The following PARD3 variants were observed in gnomAD, a reference collection of about 807,000 sequenced individuals.
The protein encoded by PARD3 is par-3 family cell polarity regulator.
Under a neutral mutation model 155.4 loss-of-function variants are expected in PARD3, and 75 were observed. The observed-to-expected ratio is 0.48, with a 90% confidence interval of 0.40 to 0.58. The LOEUF (loss-of-function observed/expected upper bound fraction) is 0.58, where lower values mean the gene tolerates loss of function less well. PARD3 is among the 20% of genes least tolerant of loss of function. PARD3 has a pLI of 0.00. For synonymous variants in PARD3, 576 were observed against 610.5 expected (o/e 0.94, Z 0.83); for missense variants, 1,642 against 1,721.7 (o/e 0.95, Z 0.82).
chr10:34,289,043 T>C (rs907160573), intron 20 of PARD3, among the ~76,000 whole-genome samples: 2 of 152,158 alleles, frequency 1.3e-5, no homozygotes, highest in Admixed American at 6.5e-5. Flanking sequence ...CTCAGCTCAC[T>C]GCAACCTCCT....
chr10:34,195,792 A>G (rs544798145), intron 22 of PARD3, among the ~76,000 whole-genome samples: 1 of 152,350 alleles, frequency 6.6e-6, no homozygotes, highest in East Asian at 1.9e-4. Flanking sequence ...CAAATAGCAC[A>G]GGACAGAGTG....
intron 2 of PARD3, among the ~76,000 whole-genome samples, chr10:34,580,612 TTATC>T (rs2087354229): frequency 6.6e-6 from 1 of 152,218 alleles, no homozygotes; most frequent in Admixed American, 6.5e-5. Context: ...AAACTGTAAG[TTATC>T]TATTAACCAT....
chr10:34,689,763 T>C (rs2094016672), intron 2 of PARD3, among the ~76,000 whole-genome samples: 1 of 152,206 alleles, frequency 6.6e-6, no homozygotes, highest in Non-Finnish European at 1.5e-5. Flanking sequence ...AATTTTAATA[T>C]GCCACTATTT....
At chr10:34,169,223 TAGAA>T (rs1392483320) in intron 22 of PARD3, among the ~76,000 whole-genome samples, 3 of 152,132 alleles carry the variant, frequency 2.0e-5, no homozygotes, top group Non-Finnish European at 2.9e-5. Flanking sequence ...TTGCAGGAAA[TAGAA>T]AGAAGATCTG....
chr10:34,664,163 T>A (rs754914311), intron 2 of PARD3: 1 of 152,194 alleles, frequency 6.6e-6, no homozygotes, highest in Non-Finnish European at 1.5e-5. Flanking sequence ...TATATTTGGT[T>A]ATGTCACTGT....
In PARD3 at chr10:34,242,443, C is replaced by G. The variant is rs370055487; in HGVS notation, c.3419+27214G>C. 2.6e-5 allele frequency among the ~76,000 whole-genome samples: 4 copies of G among 152,132 alleles called. No homozygotes were observed. The East Asian group carries it at 7.7e-4, about 29-fold the overall frequency. ...GATGGTAGGAGGCGACTACCTTCATCTGCACCCCTCATCCCCAGCACCACA... is the reference window on the plus strand; with the variant it reads ...GATGGTAGGAGGCGACTACCTTCATGTGCACCCCTCATCCCCAGCACCACA... On this transcript the variant is annotated intron_variant, in intron 22 of 24. Transcript: ENST00000374788.
At chr10:34,132,589 T>G (rs2132786565) in intron 22 of PARD3, among the ~76,000 whole-genome samples, 1 of 152,244 alleles carries the variant, frequency 6.6e-6, no homozygotes, top group South Asian at 2.1e-4. Flanking sequence ...TGACCAAAAT[T>G]AAATCAATCA....
chr10:34,383,129 T>C (rs112960422), intron 8 of PARD3, among the ~76,000 whole-genome samples: 1,843 of 152,300 alleles, frequency 0.012, 40 homozygotes, highest in African/African-American at 0.042. Context: ...TCTCATTCTC[T>C]CAATAAAAAT....
chr10:34,308,893 G>A (rs1464075568), intron 20 of PARD3, among the ~76,000 whole-genome samples: 1 of 152,174 alleles, frequency 6.6e-6, no homozygotes, highest in African/African-American at 2.4e-5. Context: ...AATTAGCAAA[G>A]GAGACAAGAC....
intron 3 of PARD3, among the ~76,000 whole-genome samples, chr10:34,474,628 C>T (rs886836931): frequency 1.3e-5 from 2 of 152,158 alleles, no homozygotes; most frequent in Non-Finnish European, 2.9e-5. Context: ...ATGCGACCCA[C>T]GTCACAGATG....
intron 22 of PARD3, among the ~76,000 whole-genome samples, chr10:34,194,362 A>C (rs895009708): frequency 6.6e-6 from 1 of 152,198 alleles, no homozygotes; most frequent in African/African-American, 2.4e-5. Flanking sequence ...CTCCTGACAC[A>C]GCACACAGCA....
At chr10:34,189,199 G>A (rs1396775936) in intron 22 of PARD3, among the ~76,000 whole-genome samples, 1 of 151,908 alleles carries the variant, frequency 6.6e-6, no homozygotes, top group Non-Finnish European at 1.5e-5. Flanking sequence ...TAAATAACCT[G>A]GGCATGGTCC....
intron 5 of PARD3, among the ~76,000 whole-genome samples, chr10:34,445,043 A>T (rs2076666972): frequency 6.6e-6 from 1 of 152,146 alleles, no homozygotes; most frequent in African/African-American, 2.4e-5. Flanking sequence ...GGTGTTCCCA[A>T]ATTGGAAAGG....
At chr10:34,524,720 A>G (rs930448016) in intron 2 of PARD3, among the ~76,000 whole-genome samples, 7 of 152,246 alleles carry the variant, frequency 4.6e-5, no homozygotes, top group Admixed American at 3.3e-4. Flanking sequence ...CTGCTTAAGT[A>G]TTAATAAAAA....
intron 21 of PARD3, among the ~76,000 whole-genome samples, chr10:34,271,612 C>A (rs1955613479): frequency 6.6e-6 from 1 of 152,180 alleles, no homozygotes; most frequent in Admixed American, 6.5e-5. Flanking sequence ...TGGAGAAAGA[C>A]TGAATGCTTT....
intron 2 of PARD3, among the ~76,000 whole-genome samples, chr10:34,591,134 AC>A (rs2088639109): frequency 6.7e-6 from 1 of 150,158 alleles, no homozygotes; most frequent in Non-Finnish European, 1.5e-5. Flanking sequence ...TTGTTCCCAG[AC>A]CCCCCATCAC....
At chr10:34,645,207 T>A (rs1253417260) in intron 2 of PARD3, among the ~76,000 whole-genome samples, 5 of 132,784 alleles carry the variant, frequency 3.8e-5, no homozygotes, top group Non-Finnish European at 7.4e-5. Context: ...TTTTGATTTA[T>A]TTTATTTTAT....
Position 34,470,110 on chromosome 10 carries a change from C to T in PARD3, c.557G>A (p.Gly186Glu), listed in dbSNP as rs367794735. The change falls in exon 4 of 25, where the codon GGG (glycine) becomes GAG (glutamate). Residue 186 changes from glycine to glutamate, a missense_variant. Physicochemically the swap from Gly to Glu is moderately conservative, Grantham distance 98 (BLOSUM62 -2). Transcript: ENST00000374788. The part of the protein sequence containing the change: ...TAGFLKQNTA[G>E]SPKTCDRKKD... ...CTTCCTGTCGCAGGTTTTAGGACTCCCAGCAGTGTTCTGCTTGAGGAAGCC... is the reference window on the plus strand; with the variant it reads ...CTTCCTGTCGCAGGTTTTAGGACTCTCAGCAGTGTTCTGCTTGAGGAAGCC... 9.3e-6 allele frequency: 15 copies of T among 1,610,550 alleles called. No individual in the cohort carries two copies. The East Asian group carries it at 2.0e-4, about 22-fold the overall frequency.
At chr10:34,573,729 AAACAAAAAC>A (rs1564367634) in intron 2 of PARD3, among the ~76,000 whole-genome samples, 22 of 90,490 alleles carry the variant, frequency 2.4e-4, no homozygotes, top group African/African-American at 1.2e-3. Flanking sequence ...ACAAACAAAC[AAACAAAAAC>A]ACACACACAC....
Sources: allele counts gnomAD v4.1 joint callset (sites outside exome capture counted in the v4.1 genomes callset), GRCh38; gene constraint gnomAD v4.1.1; transcripts MANE v1.5; gene names NCBI Gene and HGNC (gene_info 2026-07-23, HGNC 2026-07-21).